Variants in CHL1 observed in about 807,000 individuals in gnomAD.
The protein encoded by CHL1 is neural cell adhesion molecule L1-like protein.
CHL1 carries 96 observed loss-of-function variants against 141.9 expected under a neutral mutation model. That is an observed-to-expected ratio of 0.68 (90% CI 0.57 to 0.80). The LOEUF (loss-of-function observed/expected upper bound fraction) is 0.80, where lower values mean the gene tolerates loss of function less well. CHL1 is among the 30% of genes least tolerant of loss of function. The pLI is 0.00. For synonymous variants in CHL1, 613 were observed against 502.2 expected, an observed-to-expected ratio of 1.22 and a Z score of -2.95; for missense variants, 1,820 against 1,457.2, an observed-to-expected ratio of 1.25 and a Z score of -4.05.
intron 2 of CHL1, among the ~76,000 whole-genome samples, chr3:276,266 C>G (rs1209190683): frequency 6.6e-6 from 1 of 152,056 alleles, no homozygotes; most frequent in Non-Finnish European, 1.5e-5. Context: ...TGATTTGTGT[C>G]CATTGTAGAT....
intron 2 of CHL1, among the ~76,000 whole-genome samples, chr3:264,087 C>T (rs1694966539): frequency 6.6e-6 from 1 of 152,176 alleles, no homozygotes; most frequent in South Asian, 2.1e-4. Flanking sequence ...TGCTCTGACT[C>T]TGTCATTTAG....
At chr3:264,663 C>CAA (rs369564021) in intron 2 of CHL1, among the ~76,000 whole-genome samples, 2 of 152,200 alleles carry the variant, frequency 1.3e-5, no homozygotes, top group African/African-American at 4.8e-5. Context: ...AGTCAATACT[C>CAA]ACAATCTAAC....
At chr3:285,511 C>T (rs1697046046) in intron 2 of CHL1, among the ~76,000 whole-genome samples, 1 of 152,144 alleles carries the variant, frequency 6.6e-6, no homozygotes, top group South Asian at 2.1e-4. Flanking sequence ...CCTAATTTTG[C>T]TTTCTAGCCT....
At chr3:233,137 T>TA (rs1702012270) in intron 1 of CHL1, among the ~76,000 whole-genome samples, 1 of 152,176 alleles carries the variant, frequency 6.6e-6, no homozygotes, top group South Asian at 2.1e-4. Context: ...TGTCATTTCT[T>TA]ACTACAAATC....
chr3:355,827 G>A (rs780437949), intron 11 of CHL1, among the ~76,000 whole-genome samples: 85 of 152,134 alleles, frequency 5.6e-4, no homozygotes, highest in Non-Finnish European at 1.1e-3. Context: ...GCACTGTGAT[G>A]GTTTATAAAC....
chr3:299,300 G>C (rs1698497453), intron 2 of CHL1, among the ~76,000 whole-genome samples: 1 of 152,194 alleles, frequency 6.6e-6, no homozygotes. Flanking sequence ...AAGGATGAGT[G>C]AACACTTACT....
At chr3:259,260 G>T (rs1238913025) in intron 2 of CHL1, among the ~76,000 whole-genome samples, 1 of 152,088 alleles carries the variant, frequency 6.6e-6, no homozygotes, top group African/African-American at 2.4e-5. Flanking sequence ...TATCTGTAGT[G>T]TGTGTGTGCA....
chr3:250,485 T>C (rs1574857494), intron 2 of CHL1, among the ~76,000 whole-genome samples: 1 of 152,074 alleles, frequency 6.6e-6, no homozygotes, highest in Non-Finnish European at 1.5e-5. Flanking sequence ...TTTAGTAAGA[T>C]TTGTCTGTGC....
chr3:348,523 T>C (rs551965288), intron 9 of CHL1, among the ~76,000 whole-genome samples: 1 of 152,186 alleles, frequency 6.6e-6, no homozygotes, highest in Non-Finnish European at 1.5e-5. Flanking sequence ...ACTTCTGCAC[T>C]TGTCTGCTTT....
At chr3:295,950 T>C (rs1488191520) in intron 2 of CHL1, among the ~76,000 whole-genome samples, 4 of 152,182 alleles carry the variant, frequency 2.6e-5, no homozygotes, top group Non-Finnish European at 4.4e-5. Flanking sequence ...GAGAGAACCT[T>C]GGTGCCCCTT....
rs1702552383 is a variant in CHL1 at position 343,942 on chromosome 3, A to G, written c.728-647A>G. Among the ~76,000 whole-genome samples, 3 of 152,382 alleles carry G rather than the reference A, an allele frequency of 2.0e-5. No homozygotes were observed. In the South Asian group the frequency reaches 6.2e-4, roughly 32 times the overall value. On this transcript the variant is annotated intron_variant, in intron 8 of 27. Transcript: ENST00000256509. Reference sequence around the variant, plus strand: ...CTGTCTACTGCTAAAGTCCCTTTGAAGATGGAAGTCTTCTAATTTGCCATT... The same window carrying G: ...CTGTCTACTGCTAAAGTCCCTTTGAGGATGGAAGTCTTCTAATTTGCCATT...
intron 1 of CHL1, among the ~76,000 whole-genome samples, chr3:198,958 AC>A (rs1483785555): frequency 2.0e-5 from 3 of 152,170 alleles, no homozygotes; most frequent in Non-Finnish European, 2.9e-5. Context: ...CTTTGGGGAA[AC>A]TTTTGGTGAC....
At chr3:342,134 C>G (rs1436902456) in intron 7 of CHL1, 52 bp downstream of exon 7, 1 of 1,491,016 alleles carries the variant, frequency 6.7e-7, no homozygotes, top group Admixed American at 1.8e-5. Context: ...GCAAATGTGT[C>G]TGTAATTTCC....
At chr3:257,587 A>G (rs913622642) in intron 2 of CHL1, among the ~76,000 whole-genome samples, 4 of 152,106 alleles carry the variant, frequency 2.6e-5, no homozygotes, top group African/African-American at 9.7e-5. Flanking sequence ...TCCTAACCTC[A>G]GGTGATCTAC....
chr3:321,704 A>T (rs1022891843), intron 3 of CHL1, among the ~76,000 whole-genome samples: 1 of 152,022 alleles, frequency 6.6e-6, no homozygotes, highest in Non-Finnish European at 1.5e-5. Flanking sequence ...ATGCATTTTC[A>T]TGCTGTAAGG....
At chr3:332,087 G>A (rs1701486807) in intron 5 of CHL1, among the ~76,000 whole-genome samples, 2 of 152,176 alleles carry the variant, frequency 1.3e-5, no homozygotes, top group Non-Finnish European at 2.9e-5. Context: ...TCATGTGCAT[G>A]TGCCTCTTGT....
intron 5 of CHL1, among the ~76,000 whole-genome samples, chr3:330,476 T>G (rs1701348661): frequency 6.6e-6 from 1 of 151,138 alleles, no homozygotes; most frequent in Non-Finnish European, 1.5e-5. Context: ...TAAACTGGAG[T>G]GAAGGGAGAA....
At chr3:286,163 C>G (rs1356591553) in intron 2 of CHL1, among the ~76,000 whole-genome samples, 1 of 152,122 alleles carries the variant, frequency 6.6e-6, no homozygotes. Context: ...CAGATAACAC[C>G]ACCCAGTTTG....
intron 16 of CHL1, 113 bp downstream of exon 16, chr3:378,055 G>A (rs1180111914): frequency 3.2e-6 from 3 of 929,170 alleles, no homozygotes; most frequent in Non-Finnish European, 4.4e-6. Context: ...TATATTGTTA[G>A]TTTCAAATTT....
Sources: allele counts gnomAD v4.1 joint callset (sites outside exome capture counted in the v4.1 genomes callset), GRCh38; gene constraint gnomAD v4.1.1; transcripts MANE v1.5; gene names NCBI Gene and HGNC (gene_info 2026-07-23, HGNC 2026-07-21).